Variants in ANKRD26 observed in about 807,000 individuals in gnomAD.
ANKRD26 encodes the protein ankyrin repeat domain-containing protein 26.
ANKRD26 carries 141 observed loss-of-function variants against 208.7 expected under a neutral mutation model. That is an observed-to-expected ratio of 0.68 (90% CI 0.59 to 0.78). The LOEUF (loss-of-function observed/expected upper bound fraction) is 0.78, where lower values mean the gene tolerates loss of function less well. ANKRD26 is among the 30% of genes least tolerant of loss of function. ANKRD26 has a pLI of 0.00. For synonymous variants in ANKRD26, 636 were observed against 660.4 expected (o/e 0.96, Z 0.57); for missense variants, 1,889 against 1,938.7 (o/e 0.97, Z 0.48).
chr10:27,086,193 AT>A lies in ANKRD26; in HGVS notation c.709+345del, dbSNP rs1011078618. 2.0e-5 allele frequency among the ~76,000 whole-genome samples: 3 copies of A among 152,148 alleles called. No individual in the cohort carries two copies. In the South Asian group the frequency reaches 6.2e-4, roughly 31 times the overall value. On this transcript the variant is annotated intron_variant, in intron 5 of 33. Transcript: ENST00000376087. ...ATTATAAAAATTAAATAGAAGATCCATTTTTTATAACAAGTCTAGTTCATTA... is the reference window on the plus strand; with the variant it reads ...ATTATAAAAATTAAATAGAAGATCCATTTTTATAACAAGTCTAGTTCATTA...
intron 5 of ANKRD26, among the ~76,000 whole-genome samples, chr10:27,084,129 C>T (rs1355251234): frequency 6.6e-6 from 1 of 150,530 alleles, no homozygotes; most frequent in Non-Finnish European, 1.5e-5. Context: ...AGGAGAATCG[C>T]TTGAACCCAG....
chr10:27,068,759 G>A (rs540874250), intron 9 of ANKRD26, among the ~76,000 whole-genome samples: 29 of 151,692 alleles, frequency 1.9e-4, no homozygotes, highest in African/African-American at 4.8e-4. Flanking sequence ...TGTAAACATA[G>A]ATAAACATGG....
intron 6 of ANKRD26, among the ~76,000 whole-genome samples, chr10:27,081,577 T>C (rs1001370328): frequency 3.3e-5 from 5 of 152,202 alleles, no homozygotes; most frequent in African/African-American, 1.2e-4. Context: ...AAGTACTAGA[T>C]GGCATTCTGA....
intron 32 of ANKRD26, among the ~76,000 whole-genome samples, chr10:27,008,364 T>C (rs567402236): frequency 6.6e-6 from 1 of 152,178 alleles, no homozygotes; most frequent in South Asian, 2.1e-4. Context: ...AATGTGACAA[T>C]AGCATTAGTA....
intron 9 of ANKRD26, among the ~76,000 whole-genome samples, chr10:27,069,845 C>T (rs868481441): frequency 2.0e-5 from 3 of 152,234 alleles, no homozygotes; most frequent in Non-Finnish European, 2.9e-5. Context: ...AGGATGGGTG[C>T]AGTGGGCCCC....
At chr10:27,071,148 T>C (rs982668990) in intron 9 of ANKRD26, among the ~76,000 whole-genome samples, 1 of 150,750 alleles carries the variant, frequency 6.6e-6, no homozygotes. Context: ...AAATAAACAA[T>C]TGCTACATTC....
intron 3 of ANKRD26, among the ~76,000 whole-genome samples, chr10:26,985,315 A>C (rs1399120447): frequency 1.3e-5 from 2 of 152,056 alleles, no homozygotes; most frequent in Non-Finnish European, 2.9e-5. Context: ...TTACACCAGG[A>C]TTACATTTTC....
chr10:27,035,514 C>A lies in ANKRD26; in HGVS notation c.2936G>T (p.Ser979Ile). 5 of 1,613,988 alleles carry A rather than the reference C, an allele frequency of 3.1e-6. No homozygotes were observed. Among genetic ancestry groups the A allele is most frequent in the Non-Finnish European group, 4.2e-6 (5 of 1,179,916 alleles). The change falls in exon 24 of 34, where the codon AGT becomes ATT. Residue 979 changes from serine to isoleucine, a missense_variant. Ser to Ile is a moderately radical substitution (Grantham distance 142). This residue lies in a region of ANKRD26 where 1,272 missense variants were observed against 1,273.8 expected (regional missense o/e 1.00). Coordinates refer to ENST00000376087, the MANE Select transcript of ANKRD26 (RefSeq NM_014915.3). ...CATTGCATTCTCAGCTGTCAGAACACTAAGCCGTCCATTATACTGGGATAT... is the reference window on the plus strand; with the variant it reads ...CATTGCATTCTCAGCTGTCAGAACAATAAGCCGTCCATTATACTGGGATAT... ...QTISQYNGRL[S>I]VLTAENAMLN... is the part of the protein sequence containing the mutation.
At chr10:27,043,378 T>C (rs757369499) in intron 20 of ANKRD26, 48 bp downstream of exon 20, 23 of 1,590,376 alleles carry the variant, frequency 1.4e-5, no homozygotes, top group East Asian at 2.2e-5. Flanking sequence ...ATTACATACA[T>C]TACAATGGGA....
chr10:27,068,890 T>C lies in ANKRD26; in HGVS notation c.1078-1604A>G, dbSNP rs1008382773. 2.7e-5 allele frequency among the ~76,000 whole-genome samples: 4 copies of C among 149,024 alleles called. No homozygotes were observed. The South Asian group carries it at 8.5e-4, about 32-fold the overall frequency. On this transcript the variant is annotated intron_variant, in intron 9 of 33. Coordinates refer to ENST00000376087, the MANE Select transcript of ANKRD26 (RefSeq NM_014915.3). ...AAAAAAAAAAAGTGAATTGCAATAA[T>C]AAGATATGAGAAACGAGGTCGGGCG...
At chr10:26,982,538 G>C (rs2052323357) in intron 4 of ANKRD26, among the ~76,000 whole-genome samples, 2 of 151,708 alleles carry the variant, frequency 1.3e-5, no homozygotes, top group Admixed American at 1.3e-4. Context: ...ATTCCTAGAA[G>C]TTAAGGTTCC....
chr10:27,082,753 T>C lies in ANKRD26; in HGVS notation c.740+50A>G, dbSNP rs1358182063. ...CCAGAGTAGGGCACTCAACAGTTTCTTTTCTCTGTATTCCTTTAAATATAT... is the reference window on the plus strand; with the variant it reads ...CCAGAGTAGGGCACTCAACAGTTTCCTTTCTCTGTATTCCTTTAAATATAT... On this transcript the variant is annotated intron_variant, in intron 6 of 33. Coordinates refer to ENST00000376087, the MANE Select transcript of ANKRD26 (RefSeq NM_014915.3). 1.9e-6 allele frequency: 3 copies of C among 1,538,618 alleles called. No individual in the cohort carries two copies. The South Asian group carries it at 3.7e-5, about 19-fold the overall frequency.
Position 27,022,461 on chromosome 10 carries a change from A to C in ANKRD26, c.4215+97T>G, listed in dbSNP as rs1053784378. 6 of 1,031,250 alleles carry C rather than the reference A, an allele frequency of 5.8e-6. No homozygotes were observed. In the African/African-American group the frequency reaches 9.9e-5, roughly 17 times the overall value. The allele number at this position is 1,031,250 out of a possible 1,614,324, so 63.9% of individuals were successfully genotyped here. A position where few individuals can be genotyped will look rare whatever the true frequency, so the allele number is the denominator to read the frequency against. On this transcript the variant is annotated intron_variant, in intron 29 of 33. Transcript: ENST00000376087. The stretch of plus-strand genomic sequence containing the variant: ...TATTAGTATCAAGTCCCTAAAGTTA[A>C]AAAAAAAAATCTTTATTTCACTGTT...
At chr10:27,017,154 T>A (rs992038425) in intron 30 of ANKRD26, among the ~76,000 whole-genome samples, 1 of 152,218 alleles carries the variant, frequency 6.6e-6, no homozygotes, top group Non-Finnish European at 1.5e-5. Flanking sequence ...AATTTAAAGA[T>A]AAAATTAATT....
intron 24 of ANKRD26, among the ~76,000 whole-genome samples, chr10:27,034,034 A>G (rs1277171450): frequency 6.6e-6 from 1 of 152,256 alleles, no homozygotes; most frequent in Non-Finnish European, 1.5e-5. Context: ...GAACAAAGTT[A>G]TACCCAAATG....
chr10:26,954,415 C>T, the ANKRD26 span, among the ~76,000 whole-genome samples: 1 of 152,062 alleles, frequency 6.6e-6, no homozygotes, highest in African/African-American at 2.4e-5. Context: ...ATCTTTGCAT[C>T]TATTTTTAAG....
At chr10:26,986,885 A>T (rs1462466692) in intron 3 of ANKRD26, among the ~76,000 whole-genome samples, 2 of 152,264 alleles carry the variant, frequency 1.3e-5, no homozygotes, top group Admixed American at 1.3e-4. Flanking sequence ...TTCCTCAGGG[A>T]TCTAGAACTA....
At chr10:26,950,477 G>A in the ANKRD26 span, among the ~76,000 whole-genome samples, 1 of 152,216 alleles carries the variant, frequency 6.6e-6, no homozygotes, top group Non-Finnish European at 1.5e-5. Flanking sequence ...TGTTGGAGGT[G>A]GGGTCTTGTG....
intron 5 of ANKRD26, among the ~76,000 whole-genome samples, chr10:27,084,854 A>G (rs1282210115): frequency 6.6e-6 from 1 of 150,686 alleles, no homozygotes; most frequent in African/African-American, 2.4e-5. Flanking sequence ...CCTGGGCAAC[A>G]AGAGTGAAAC....
Sources: gnomAD v4.1 joint callset for allele counts (sites outside exome capture counted in the v4.1 genomes callset) on GRCh38, gnomAD v4.1.1 for gene constraint, gnomAD v4.1.1 regional missense constraint, MANE v1.5 for transcripts, NCBI Gene and HGNC (gene_info 2026-07-23, HGNC 2026-07-21) for gene names.